Variants in GRID1 observed in about 807,000 individuals in gnomAD.
The protein encoded by GRID1 is glutamate receptor ionotropic, delta-1.
A neutral mutation model predicts 98.0 loss-of-function variants in GRID1; 28 were observed. The observed-to-expected ratio is 0.29, with a 90% CI of 0.21 to 0.39. The LOEUF is 0.39. Among genes scored for constraint, GRID1 ranks in the 10% least tolerant of loss-of-function variants. The pLI, the probability that GRID1 is intolerant of heterozygous loss-of-function variation, is 1.00. For synonymous variants in GRID1, 553 were observed against 538.5 expected, an observed-to-expected ratio of 1.03 and a Z score of -0.37; for missense variants, 1,111 against 1,340.5, an observed-to-expected ratio of 0.83 and a Z score of 2.67.
chr10:85,985,510 G>A (rs1842598105), intron 4 of GRID1, among the ~76,000 whole-genome samples: 1 of 152,170 alleles, frequency 6.6e-6, no homozygotes, highest in Admixed American at 6.5e-5. Context: ...TTTACCGCAT[G>A]GTACATGAAG....
At chr10:86,001,352 C>T (rs1414594989) in intron 4 of GRID1, among the ~76,000 whole-genome samples, 1 of 152,104 alleles carries the variant, frequency 6.6e-6, no homozygotes, top group African/African-American at 2.4e-5. Flanking sequence ...ATGACACAAA[C>T]CACACAAAAC....
chr10:86,228,511 CA>C (rs1447515155), intron 2 of GRID1, among the ~76,000 whole-genome samples: 1 of 152,184 alleles, frequency 6.6e-6, no homozygotes, highest in Non-Finnish European at 1.5e-5. Context: ...CAGCCTCAAT[CA>C]ACACCCACCT....
At chr10:85,700,763 G>C (rs756856692) in intron 12 of GRID1, among the ~76,000 whole-genome samples, 1 of 152,148 alleles carries the variant, frequency 6.6e-6, no homozygotes. Flanking sequence ...GGTAAAAATT[G>C]CTTAATGTAA....
chr10:85,796,324 AC>A (rs748410134), intron 8 of GRID1, among the ~76,000 whole-genome samples: 11 of 152,138 alleles, frequency 7.2e-5, no homozygotes, highest in Non-Finnish European at 1.5e-4. Context: ...CTTAAAATAA[AC>A]CTAGACATAT....
intron 15 of GRID1, among the ~76,000 whole-genome samples, chr10:85,612,591 G>A (rs919614740): frequency 2.0e-5 from 3 of 152,224 alleles, no homozygotes; most frequent in African/African-American, 7.2e-5. Context: ...TGAGGTCTAT[G>A]TGGCAGAGAG....
At chr10:86,217,273 CA>C (rs1846189179) in intron 2 of GRID1, among the ~76,000 whole-genome samples, 1 of 152,236 alleles carries the variant, frequency 6.6e-6, no homozygotes, top group African/African-American at 2.4e-5. Context: ...TGCCCTCAGG[CA>C]AGCCACTTAA....
At chr10:85,672,065 G>GCTGATGGAGCAGCAAGTC (rs1459046408) in intron 12 of GRID1, among the ~76,000 whole-genome samples, 4 of 152,204 alleles carry the variant, frequency 2.6e-5, no homozygotes, top group Non-Finnish European at 5.9e-5. Context: ...AGCAGCAAGT[G>GCTGATGGAGCAGCAAGTC]CTGATGGAGC....
At chr10:85,925,838 A>G (rs1278673645) in intron 4 of GRID1, among the ~76,000 whole-genome samples, 2 of 152,338 alleles carry the variant, frequency 1.3e-5, no homozygotes, top group Middle Eastern at 3.4e-3. Context: ...GCTCAAGGTT[A>G]ATGCTGTGAC....
intron 14 of GRID1, among the ~76,000 whole-genome samples, chr10:85,615,383 A>C (rs928968755): frequency 5.3e-5 from 8 of 152,232 alleles, no homozygotes; most frequent in African/African-American, 1.9e-4. Context: ...CAGACCCTTC[A>C]GGACAGGAGC....
chr10:86,236,479 C>A (rs1247531331), intron 2 of GRID1, among the ~76,000 whole-genome samples: 3 of 152,196 alleles, frequency 2.0e-5, no homozygotes, highest in African/African-American at 7.2e-5. Context: ...GTCCCCACTT[C>A]ATCCCTAGAA....
In GRID1 at chr10:85,693,669, A is replaced by C. The variant is rs752255837; in HGVS notation, c.1997+29334T>G. ...AACTGATCTTTAGCAAAGTCAACAAAAACATGCACTGGGGAAAGGGGACAC... is the reference window on the plus strand; with the variant it reads ...AACTGATCTTTAGCAAAGTCAACAACAACATGCACTGGGGAAAGGGGACAC... On this transcript the variant is annotated intron_variant, in intron 12 of 15. Coordinates refer to ENST00000327946, the MANE Select transcript of GRID1 (RefSeq NM_017551.3). Among the ~76,000 whole-genome samples the C allele has an allele frequency of 2.0e-3, 298 of 152,346 alleles. 2 individuals carry two copies. The highest frequency in any genetic ancestry group is 7.5e-3 in the South Asian group (36 of 4,830).
At chr10:86,079,424 G>A (rs148356222) in intron 4 of GRID1, among the ~76,000 whole-genome samples, 307 of 152,164 alleles carry the variant, frequency 2.0e-3, no homozygotes, top group African/African-American at 6.9e-3. Context: ...CATGCATTTC[G>A]CTCCAGGGCT....
At chr10:85,760,228 C>A (rs958614580) in intron 8 of GRID1, among the ~76,000 whole-genome samples, 1 of 152,186 alleles carries the variant, frequency 6.6e-6, no homozygotes, top group African/African-American at 2.4e-5. Flanking sequence ...TGCTGACCAT[C>A]AGTTGTTTTT....
intron 2 of GRID1, among the ~76,000 whole-genome samples, chr10:86,269,370 A>G (rs1338763988): frequency 1.3e-5 from 2 of 152,218 alleles, no homozygotes; most frequent in Non-Finnish European, 2.9e-5. Context: ...CACAGGGCAC[A>G]CAGAGGCCCC....
At chr10:86,198,170 C>T (rs1054734042) in intron 3 of GRID1, among the ~76,000 whole-genome samples, 4 of 152,018 alleles carry the variant, frequency 2.6e-5, no homozygotes, top group Admixed American at 6.6e-5. Flanking sequence ...GGTGAGATCC[C>T]GACAGATATT....
intron 8 of GRID1, among the ~76,000 whole-genome samples, chr10:85,851,704 GCCCCT>G (rs1843059825): frequency 1.3e-5 from 2 of 152,096 alleles, no homozygotes; most frequent in African/African-American, 4.8e-5. Flanking sequence ...AGGGAATGCT[GCCCCT>G]GCCCAGCATC....
At chr10:86,243,174 C>T (rs933845641) in intron 2 of GRID1, among the ~76,000 whole-genome samples, 6 of 152,126 alleles carry the variant, frequency 3.9e-5, no homozygotes, top group African/African-American at 1.4e-4. Flanking sequence ...GGTGTGGGTG[C>T]CATCAGGAAC....
chr10:86,070,503 C>T (rs987029451), intron 4 of GRID1, among the ~76,000 whole-genome samples: 12 of 152,220 alleles, frequency 7.9e-5, no homozygotes, highest in African/African-American at 2.9e-4. Flanking sequence ...CTTTTCCTGA[C>T]ATCCATCCTG....
intron 12 of GRID1, among the ~76,000 whole-genome samples, chr10:85,655,665 C>T (rs983140894): frequency 1.7e-4 from 26 of 152,330 alleles, no homozygotes; most frequent in East Asian, 5.8e-4. Context: ...CCTCCTCCCA[C>T]GCTCTCAGAT....
Sources: allele counts gnomAD v4.1 joint callset (sites outside exome capture counted in the v4.1 genomes callset), GRCh38; gene constraint gnomAD v4.1.1; transcripts MANE v1.5; gene names NCBI Gene and HGNC (gene_info 2026-07-23, HGNC 2026-07-21).